The following ZRANB3 variants were observed in gnomAD, a reference collection of about 807,000 sequenced individuals.
The protein encoded by ZRANB3 is zinc finger RANBP2-type containing 3.
Under a neutral mutation model 133.8 loss-of-function variants are expected in ZRANB3, and 125 were observed. The ratio of observed to expected loss-of-function variants is 0.93; its 90% CI spans 0.81 to 1.08. The LOEUF is 1.08. Among genes scored for constraint, ZRANB3 ranks in the 50% least tolerant of loss-of-function variants. ZRANB3 has a pLI of 0.00. For missense variants in ZRANB3, 1,229 were observed against 1,275.5 expected (o/e 0.96, Z 0.56); for synonymous variants, 387 against 432.7 (o/e 0.89, Z 1.31).
At chr2:135,493,443 A>C (rs1692508456) in intron 2 of ZRANB3, among the ~76,000 whole-genome samples, 1 of 151,550 alleles carries the variant, frequency 6.6e-6, no homozygotes, top group South Asian at 2.1e-4. Flanking sequence ...AACTTCCAAT[A>C]AATAATAAAA....
chr2:135,452,338 C>T (rs1690314242), intron 2 of ZRANB3, among the ~76,000 whole-genome samples: 1 of 152,146 alleles, frequency 6.6e-6, no homozygotes, highest in African/African-American at 2.4e-5. Context: ...TGAATGGGTA[C>T]ACAGCCAAAC....
chr2:135,307,555 C>T (rs1682763244), intron 8 of ZRANB3, among the ~76,000 whole-genome samples: 1 of 152,086 alleles, frequency 6.6e-6, no homozygotes, highest in East Asian at 1.9e-4. Flanking sequence ...TCTTAAAGCC[C>T]TTGTCTAATA....
intron 2 of ZRANB3, among the ~76,000 whole-genome samples, chr2:135,483,728 C>T (rs1402736717): frequency 1.5e-4 from 23 of 152,114 alleles, no homozygotes; most frequent in East Asian, 1.4e-3. Context: ...GGATCTTTCC[C>T]GCTTTCTCTT....
chr2:135,297,082 G>A (rs1162163915), intron 8 of ZRANB3, among the ~76,000 whole-genome samples: 1 of 152,210 alleles, frequency 6.6e-6, no homozygotes, highest in African/African-American at 2.4e-5. Context: ...TGTGCTGGGA[G>A]AACCACTACT....
chr2:135,406,005 C>A (rs1456592255), intron 2 of ZRANB3, among the ~76,000 whole-genome samples: 12 of 152,028 alleles, frequency 7.9e-5, no homozygotes, highest in East Asian at 5.8e-4. Context: ...ACACAAAAAA[C>A]CCTTCAAAAA....
Position 135,269,041 on chromosome 2 carries a change from T to C in ZRANB3, c.1307A>G (p.Gln436Arg), listed in dbSNP as rs760589246. Residue 436 changes from glutamine (Q) to arginine (R), a missense_variant, in exon 11 of 21, where the codon CAG (glutamine) becomes CGG (arginine). By Grantham distance (43) the Gln-to-Arg change is conservative. Transcript: ENST00000264159. ...QAEDRAHRIGQCSSVNIHYLI... is the reference protein window; with the variant it reads ...QAEDRAHRIGRCSSVNIHYLI... ...GTAGTGAATATTCACAGAACTGCAC[T>C]GGCCAATTCTGTGAGCTCGGTCTTC... The C allele has an allele frequency of 7.4e-6, 12 of 1,613,282 alleles. No individual in the cohort carries two copies. The East Asian group carries it at 8.9e-5, about 12-fold the overall frequency.
intron 3 of ZRANB3, among the ~76,000 whole-genome samples, chr2:135,354,256 CA>C (rs1685333317): frequency 6.6e-6 from 1 of 152,122 alleles, no homozygotes; most frequent in South Asian, 2.1e-4. Context: ...AATGTCTTAA[CA>C]GCACAAAACC....
intron 12 of ZRANB3, among the ~76,000 whole-genome samples, chr2:135,257,758 T>C (rs1679732119): frequency 6.6e-6 from 1 of 152,230 alleles, no homozygotes; most frequent in African/African-American, 2.4e-5. Context: ...TTGAAGTTTT[T>C]CAATGTTGTA....
intron 2 of ZRANB3, among the ~76,000 whole-genome samples, chr2:135,473,546 TAA>T (rs548673772): frequency 8.2e-4 from 111 of 135,862 alleles, no homozygotes; most frequent in African/African-American, 2.6e-3. Flanking sequence ...AGTAATATGC[TAA>T]AAAAAAAAAA....
At chr2:135,281,825 T>C (rs1157306501) in intron 8 of ZRANB3, among the ~76,000 whole-genome samples, 1 of 152,208 alleles carries the variant, frequency 6.6e-6, no homozygotes, top group Non-Finnish European at 1.5e-5. Flanking sequence ...TTCATTACCC[T>C]AAAAAGGATT....
chr2:135,309,851 T>G (rs1682887076), intron 8 of ZRANB3, among the ~76,000 whole-genome samples: 1 of 152,306 alleles, frequency 6.6e-6, no homozygotes, highest in South Asian at 2.1e-4. Flanking sequence ...CTAAAATTCA[T>G]ACAGAAAAGC....
intron 1 of ZRANB3, among the ~76,000 whole-genome samples, chr2:135,521,446 C>T (rs1423344631): frequency 4.6e-5 from 7 of 152,100 alleles, no homozygotes; most frequent in Admixed American, 1.3e-4. Flanking sequence ...AGAGGACAAT[C>T]GCTTGAACCC....
At chr2:135,442,506 A>G (rs1689823949) in intron 2 of ZRANB3, among the ~76,000 whole-genome samples, 1 of 152,210 alleles carries the variant, frequency 6.6e-6, no homozygotes, top group African/African-American at 2.4e-5. Flanking sequence ...ATACCATCTC[A>G]CGCCAGTTAG....
At chr2:135,219,870 T>A (rs1694463318) in intron 15 of ZRANB3, among the ~76,000 whole-genome samples, 1 of 151,722 alleles carries the variant, frequency 6.6e-6, no homozygotes, top group South Asian at 2.1e-4. Context: ...TCCTGAAATC[T>A]TTTTTTTCCC....
intron 19 of ZRANB3, among the ~76,000 whole-genome samples, chr2:135,203,656 T>G (rs1446305347): frequency 6.7e-6 from 1 of 150,048 alleles, no homozygotes; most frequent in Non-Finnish European, 1.5e-5. Flanking sequence ...TTCTCAATAC[T>G]ACTGAGTCAA....
At chr2:135,503,047 A>T (rs1693015531) in intron 2 of ZRANB3, among the ~76,000 whole-genome samples, 1 of 152,218 alleles carries the variant, frequency 6.6e-6, no homozygotes, top group African/African-American at 2.4e-5. Flanking sequence ...ACAAAACATC[A>T]GATCAATGTG....
rs201374820 is a variant in ZRANB3, at chr2:135,217,624, T to C, written c.2353-17A>G. 4 of 1,608,040 alleles carry C rather than the reference T, an allele frequency of 2.5e-6. No individual in the cohort carries two copies. Among genetic ancestry groups the C allele is most frequent in the Non-Finnish European group, 3.4e-6 (4 of 1,178,252 alleles). ...TCTCAAAATCTGGCAGAAAATGAGA[T>C]AATAAGAGTTAACAGCTCACAGGCA... On this transcript the variant is annotated splice_polypyrimidine_tract_variant and intron_variant, in intron 16 of 20. Transcript: ENST00000264159.
intron 3 of ZRANB3, among the ~76,000 whole-genome samples, chr2:135,372,554 T>C (rs757086101): frequency 2.1e-4 from 32 of 151,980 alleles, no homozygotes; most frequent in Non-Finnish European, 3.5e-4. Context: ...TCCCAGCACT[T>C]TGGGAGGCGG....
chr2:135,313,378 ACAATAGC>A, intron 8 of ZRANB3, 104 bp downstream of exon 8: 1 of 699,808 alleles, frequency 1.4e-6, no homozygotes. Context: ...AAAGAGTTAA[ACAATAGC>A]AAAGAAATTC....
Sources: gnomAD v4.1 joint callset for allele counts (sites outside exome capture counted in the v4.1 genomes callset) on GRCh38, gnomAD v4.1.1 for gene constraint, MANE v1.5 for transcripts, NCBI Gene and HGNC (gene_info 2026-07-23, HGNC 2026-07-21) for gene names.